Variants in ZNF385C observed in about 807,000 individuals in gnomAD.
ZNF385C encodes CTD-2132N18.2.
Under a neutral mutation model 35.4 loss-of-function variants are expected in ZNF385C, and 28 were observed. The ratio of observed to expected loss-of-function variants is 0.79; its 90% CI spans 0.59 to 1.08. ZNF385C has a LOEUF of 1.08. Ranked by LOEUF, ZNF385C falls within the 50% of genes least tolerant of loss-of-function variation. ZNF385C has a pLI of 0.00. For synonymous variants in ZNF385C, 248 were observed against 248.2 expected, an observed-to-expected ratio of 1.00 and a Z score of 0.01; for missense variants, 605 against 595.6, an observed-to-expected ratio of 1.02 and a Z score of -0.16.
At chr17:42,075,837 C>T (rs1315822626) in intron 1 of ZNF385C, among the ~76,000 whole-genome samples, 1 of 152,256 alleles carries the variant, frequency 6.6e-6, no homozygotes, top group East Asian at 1.9e-4. Flanking sequence ...CTCCATAGAA[C>T]AGAAAAAGGG....
intron 2 of ZNF385C, chr17:42,043,340 A>G: frequency 8.1e-7 from 1 of 1,232,236 alleles, no homozygotes; most frequent in Non-Finnish European, 1.0e-6. Flanking sequence ...TTGGAGTTGG[A>G]GGCCTCTCCC....
chr17:42,072,283 G>A (rs1555658892), intron 1 of ZNF385C, among the ~76,000 whole-genome samples: 1 of 152,038 alleles, frequency 6.6e-6, no homozygotes, highest in Non-Finnish European at 1.5e-5. Flanking sequence ...GGAGTAGAGG[G>A]GGAGTCTCAC....
At chr17:42,041,099 A>C (rs1398132001) in intron 2 of ZNF385C, 1 of 1,232,240 alleles carries the variant, frequency 8.1e-7, no homozygotes, top group Admixed American at 4.2e-5. Context: ...GACTCCGGCC[A>C]GTCTCTGGTC....
At chr17:42,096,828 G>A (rs2053922261) in intron 1 of ZNF385C, among the ~76,000 whole-genome samples, 1 of 151,868 alleles carries the variant, frequency 6.6e-6, no homozygotes, top group South Asian at 2.1e-4. Flanking sequence ...GAGACAAAAG[G>A]CAACACAAAC....
Position 42,026,994 on chromosome 17 carries a change from G to T in ZNF385C, c.1415C>A (p.Thr472Asn), listed in dbSNP as rs1567982251. The T allele has an allele frequency of 6.2e-7, 1 of 1,610,454 alleles. No individual in the cohort carries two copies. The part of the protein sequence containing the change: ...ALRPAPTAAT[T>N]LFPAPILGPA... ...GCCCAGGATGGGAGCCGGGAAGAGG[G>T]TAGTGGCTGCTGTAGGGGCAGGGCG... The change falls in exon 9 of 9, where the codon ACC becomes AAC. Residue 472 changes from threonine to asparagine, a missense_variant. Thr to Asn is a moderately conservative substitution (Grantham distance 65). Coordinates refer to ENST00000692273, the MANE Select transcript of ZNF385C (RefSeq NM_001392013.1).
chr17:42,087,032 A>G (rs2053817154), intron 1 of ZNF385C, among the ~76,000 whole-genome samples: 1 of 152,026 alleles, frequency 6.6e-6, no homozygotes, highest in African/African-American at 2.4e-5. Context: ...CATATTGGTC[A>G]GGCTGGTCTT....
At chr17:42,091,378 G>A (rs544046173) in intron 1 of ZNF385C, among the ~76,000 whole-genome samples, 10 of 152,258 alleles carry the variant, frequency 6.6e-5, no homozygotes, top group South Asian at 4.2e-4. Context: ...CCTGGGAGGC[G>A]GAGGCTGCGG....
At chr17:42,084,481 C>T (rs1253530235) in intron 1 of ZNF385C, among the ~76,000 whole-genome samples, 1 of 152,014 alleles carries the variant, frequency 6.6e-6, no homozygotes, top group African/African-American at 2.4e-5. Context: ...ACTAAATAGA[C>T]ATATAAAAGA....
intron 1 of ZNF385C, among the ~76,000 whole-genome samples, chr17:42,075,865 C>T (rs1020379991): frequency 1.3e-5 from 2 of 152,176 alleles, no homozygotes; most frequent in East Asian, 3.8e-4. Flanking sequence ...AACCTCCCCC[C>T]ATCTCTGCCC....
At chr17:42,073,296 G>T (rs1555659014) in intron 1 of ZNF385C, among the ~76,000 whole-genome samples, 1 of 151,980 alleles carries the variant, frequency 6.6e-6, no homozygotes, top group East Asian at 1.9e-4. Context: ...ATTAGCCGGG[G>T]GTAGTGGCAC....
intron 1 of ZNF385C, among the ~76,000 whole-genome samples, chr17:42,066,742 G>A (rs947989625): frequency 4.6e-5 from 7 of 152,136 alleles, no homozygotes; most frequent in African/African-American, 1.4e-4. Context: ...GGGTGGGCCC[G>A]TAATCCAATA....
At chr17:42,084,626 T>C (rs782431479) in intron 1 of ZNF385C, among the ~76,000 whole-genome samples, 1 of 152,150 alleles carries the variant, frequency 6.6e-6, no homozygotes, top group Non-Finnish European at 1.5e-5. Context: ...TTATTTTTTC[T>C]TGGAGACAGG....
intron 1 of ZNF385C, among the ~76,000 whole-genome samples, chr17:42,070,698 G>A (rs1555658724): frequency 6.6e-6 from 1 of 152,170 alleles, no homozygotes; most frequent in African/African-American, 2.4e-5. Flanking sequence ...GACCCTGGCA[G>A]GCCCCATCCC....
rs1362194960 is a variant in ZNF385C at position 42,095,062 on chromosome 17, G to A, written c.-3+3348C>T. The stretch of plus-strand genomic sequence containing the variant: ...TGGGGGTTAGTGCAGGCGGGCATGC[G>A]TACCTGAGTGAGTTTGTGAGTGTCT... On this transcript the variant is annotated intron_variant, in intron 1 of 8. Coordinates refer to ENST00000692273, the MANE Select transcript of ZNF385C (RefSeq NM_001392013.1). The surrounding 1 kb of genome is among the most constrained non-coding windows in gnomAD (Gnocchi z 4.4). Among the ~76,000 whole-genome samples, 1 of 152,118 alleles carries A rather than the reference G, an allele frequency of 6.6e-6. No individual in the cohort carries two copies. Among genetic ancestry groups the A allele is most frequent in the African/African-American group, 2.4e-5 (1 of 41,424 alleles).
chr17:42,038,794 G>A (rs1053094676), intron 2 of ZNF385C: 10 of 152,362 alleles, frequency 6.6e-5, no homozygotes, highest in African/African-American at 2.4e-4. Flanking sequence ...CTGCCTATTG[G>A]TGAGGAGGGA....
intron 1 of ZNF385C, among the ~76,000 whole-genome samples, chr17:42,094,538 G>T (rs1555660838): frequency 1.3e-5 from 2 of 152,164 alleles, no homozygotes; most frequent in Admixed American, 1.3e-4. Flanking sequence ...AAGACTCACA[G>T]AAAAAAGAGC....
chr17:42,070,586 C>T (rs531484179), intron 1 of ZNF385C, among the ~76,000 whole-genome samples: 3 of 152,198 alleles, frequency 2.0e-5, no homozygotes, highest in Admixed American at 6.5e-5. Context: ...AACAATCCTG[C>T]GAGGCTTGAC....
At chr17:42,041,738 A>G (rs528054401) in intron 2 of ZNF385C, among the ~76,000 whole-genome samples, 4 of 152,004 alleles carry the variant, frequency 2.6e-5, no homozygotes, top group Admixed American at 1.3e-4. Context: ...CTGTTTCTCT[A>G]TTTGTCATCT....
Position 42,037,746 on chromosome 17 carries a change from G to A in ZNF385C, c.390C>T (p.Asn130=), listed in dbSNP as rs1013352940. The A allele has an allele frequency of 6.5e-7, 1 of 1,533,990 alleles. No individual in the cohort carries two copies. Residue 130 remains asparagine, a synonymous_variant, in exon 3 of 9, where the codon AAC becomes AAT. Coordinates refer to ENST00000692273, the MANE Select transcript of ZNF385C (RefSeq NM_001392013.1). ...CCAGCCCAGCCCATACCGTGCTGAAGTTGGGGAAGAGACTGAGCGGGGCAG... is the reference window on the plus strand; with the variant it reads ...CCAGCCCAGCCCATACCGTGCTGAAATTGGGGAAGAGACTGAGCGGGGCAG... ...NGAAPLSLFP[N]FSTMDPVQKA... is the part of the protein sequence containing the mutation.
Sources: allele counts gnomAD v4.1 joint callset (sites outside exome capture counted in the v4.1 genomes callset), GRCh38; gene constraint gnomAD v4.1.1; non-coding constraint Gnocchi (gnomAD v3.1); transcripts MANE v1.5; gene names NCBI Gene and HGNC (gene_info 2026-07-23, HGNC 2026-07-21).